SPAG16: variants seen among roughly 807,000 people sequenced by gnomAD.
SPAG16 encodes sperm associated antigen 16.
A neutral mutation model predicts 80.4 loss-of-function variants in SPAG16; 86 were observed. That is an observed-to-expected ratio of 1.07 (90% confidence interval 0.90 to 1.28). The LOEUF (loss-of-function observed/expected upper bound fraction) is 1.28, where lower values mean the gene tolerates loss of function less well. Among genes scored for constraint, SPAG16 ranks in the 50% most tolerant of loss-of-function variants. The pLI is 0.00. For synonymous variants in SPAG16, 294 were observed against 265.9 expected (o/e 1.11, Z -1.03); for missense variants, 870 against 765.3 (o/e 1.14, Z -1.61).
chr2:214,042,425 CAAAAA>C (rs2049083846), intron 13 of SPAG16, among the ~76,000 whole-genome samples: 3 of 104,730 alleles, frequency 2.9e-5, no homozygotes, highest in African/African-American at 9.6e-5. Flanking sequence ...GAAGTAAAAA[CAAAAA>C]CAAAACAACA....
At chr2:214,062,418 CAAAAAAAAAAA>C (rs56693089) in intron 13 of SPAG16, among the ~76,000 whole-genome samples, 2 of 55,372 alleles carry the variant, frequency 3.6e-5, no homozygotes, top group African/African-American at 6.4e-5. Flanking sequence ...GACTCTGACT[CAAAAAAAAAAA>C]AAAAAAAAAA....
chr2:213,488,993 T>C (rs900950473), intron 9 of SPAG16, among the ~76,000 whole-genome samples: 1 of 146,608 alleles, frequency 6.8e-6, no homozygotes, highest in East Asian at 2.0e-4. Flanking sequence ...GGGAATCGCC[T>C]GAATCCGGAA....
intron 10 of SPAG16, among the ~76,000 whole-genome samples, chr2:213,577,534 C>A (rs1559273349): frequency 6.6e-6 from 1 of 152,130 alleles, no homozygotes; most frequent in Non-Finnish European, 1.5e-5. Flanking sequence ...AATACATTAA[C>A]TATTCCAAAG....
At chr2:214,112,261 G>A (rs557288900) in intron 14 of SPAG16, among the ~76,000 whole-genome samples, 30 of 152,292 alleles carry the variant, frequency 2.0e-4, no homozygotes, top group African/African-American at 7.0e-4. Context: ...TAAGTGCGAT[G>A]TGGTGCTGAG....
intron 9 of SPAG16, among the ~76,000 whole-genome samples, chr2:213,387,386 T>A (rs186483799): frequency 0.015 from 2,140 of 142,540 alleles, 29 homozygotes; most frequent in South Asian, 0.036. Context: ...ATCCTTTTTT[T>A]GCCCAAATTC....
intron 15 of SPAG16, among the ~76,000 whole-genome samples, chr2:214,256,146 G>A (rs908095495): frequency 2.6e-5 from 4 of 151,918 alleles, no homozygotes; most frequent in African/African-American, 9.7e-5. Context: ...CTATTCTGGA[G>A]TGTGAATATT....
At chr2:213,961,880 G>A (rs1403099921) in intron 12 of SPAG16, among the ~76,000 whole-genome samples, 1 of 151,964 alleles carries the variant, frequency 6.6e-6, no homozygotes, top group Non-Finnish European at 1.5e-5. Flanking sequence ...TGATATAAGT[G>A]TAATATCAAC....
chr2:213,485,081 G>A (rs113287985), intron 9 of SPAG16, among the ~76,000 whole-genome samples: 1 of 150,712 alleles, frequency 6.6e-6, no homozygotes, highest in Non-Finnish European at 1.5e-5. Context: ...TGCAACCTTC[G>A]CCTCCTGGGC....
intron 10 of SPAG16, among the ~76,000 whole-genome samples, chr2:213,490,498 C>A (rs929247307): frequency 1.3e-5 from 2 of 152,020 alleles, no homozygotes; most frequent in African/African-American, 4.8e-5. Flanking sequence ...ATTTTGTGAA[C>A]TATAATTACA....
intron 12 of SPAG16, among the ~76,000 whole-genome samples, chr2:214,007,102 C>A (rs757957555): frequency 1.3e-5 from 2 of 152,008 alleles, no homozygotes; most frequent in Non-Finnish European, 2.9e-5. Context: ...ATTATAAATT[C>A]TCTGTGTATA....
chr2:213,592,563 C>T (rs1039477557), intron 10 of SPAG16, among the ~76,000 whole-genome samples: 1 of 152,116 alleles, frequency 6.6e-6, no homozygotes, highest in Non-Finnish European at 1.5e-5. Flanking sequence ...AAAAACATCC[C>T]GCAATCTTAA....
intron 6 of SPAG16, among the ~76,000 whole-genome samples, chr2:213,350,304 C>A (rs934842232): frequency 3.3e-5 from 5 of 152,178 alleles, no homozygotes; most frequent in African/African-American, 1.2e-4. Context: ...AAATAGAGAA[C>A]TAGTTAAGAC....
intron 10 of SPAG16, among the ~76,000 whole-genome samples, chr2:213,774,401 C>T (rs2069442678): frequency 6.6e-6 from 1 of 152,204 alleles, no homozygotes; most frequent in Non-Finnish European, 1.5e-5. Flanking sequence ...AGATGCATCA[C>T]TCCAATCCTT....
chr2:214,226,848 C>T (rs562043824), intron 15 of SPAG16, among the ~76,000 whole-genome samples: 2 of 152,124 alleles, frequency 1.3e-5, no homozygotes, highest in African/African-American at 2.4e-5. Flanking sequence ...TTGATTTCTT[C>T]AAGTTTCAAT....
At chr2:213,879,467 C>T (rs987251507) in intron 11 of SPAG16, among the ~76,000 whole-genome samples, 1 of 151,506 alleles carries the variant, frequency 6.6e-6, no homozygotes, top group South Asian at 2.1e-4. Context: ...TGATTTAATT[C>T]TCAGCTTGAT....
At chr2:213,492,351 C>T (rs769525144) in intron 10 of SPAG16, among the ~76,000 whole-genome samples, 6 of 151,956 alleles carry the variant, frequency 3.9e-5, no homozygotes, top group African/African-American at 9.7e-5. Flanking sequence ...CAGATTGAGA[C>T]CATCCTGGCT....
At chr2:214,220,876 G>A (rs995390862) in intron 15 of SPAG16, among the ~76,000 whole-genome samples, 1 of 152,102 alleles carries the variant, frequency 6.6e-6, no homozygotes, top group Non-Finnish European at 1.5e-5. Context: ...CTTTTGGGGA[G>A]CATACTCACT....
At chr2:214,297,190 C>T (rs1694195614) in intron 15 of SPAG16, among the ~76,000 whole-genome samples, 1 of 151,850 alleles carries the variant, frequency 6.6e-6, no homozygotes. Flanking sequence ...TTTTTGAGTC[C>T]TTTGTAGATT....
intron 13 of SPAG16, among the ~76,000 whole-genome samples, chr2:214,030,202 C>T (rs1445851407): frequency 1.3e-5 from 2 of 152,114 alleles, no homozygotes; most frequent in Non-Finnish European, 2.9e-5. Context: ...ATTTTAGATA[C>T]CTCATCTAAG....
Sources: allele counts gnomAD v4.1 joint callset (sites outside exome capture counted in the v4.1 genomes callset), GRCh38; gene constraint gnomAD v4.1.1; transcripts MANE v1.5; gene names NCBI Gene and HGNC (gene_info 2026-07-23, HGNC 2026-07-21).